Variants in ATXN1 observed in about 807,000 individuals in gnomAD.
ATXN1 encodes ataxin 1.
A neutral mutation model predicts 56.4 loss-of-function variants in ATXN1; 8 were observed. The observed-to-expected ratio is 0.14, with a 90% CI of 0.08 to 0.26. The LOEUF (loss-of-function observed/expected upper bound fraction) is 0.26, where lower values mean the gene tolerates loss of function less well. ATXN1 is among the 10% of genes least tolerant of loss of function. The probability of loss-of-function intolerance (pLI) is 1.00; values close to 1 mark genes in which losing one functional copy is unlikely to be tolerated. For missense variants in ATXN1, 987 were observed against 1,106.5 expected (o/e 0.89, Z 1.53); for synonymous variants, 514 against 494.6 (o/e 1.04, Z -0.52).
intron 6 of ATXN1, among the ~76,000 whole-genome samples, chr6:16,438,541 T>C (rs1481311753): frequency 1.3e-5 from 2 of 152,302 alleles, no homozygotes; most frequent in East Asian, 3.9e-4. Flanking sequence ...AAATTTTAAT[T>C]AGTTTTAATT....
chr6:16,595,380 C>T (rs943829532), intron 3 of ATXN1, among the ~76,000 whole-genome samples: 2 of 152,220 alleles, frequency 1.3e-5, no homozygotes, highest in Non-Finnish European at 2.9e-5. Context: ...CTTCATCATC[C>T]TCCTACATAT....
chr6:16,742,139 G>A (rs1760361650), intron 2 of ATXN1, among the ~76,000 whole-genome samples: 1 of 151,794 alleles, frequency 6.6e-6, no homozygotes, highest in African/African-American at 2.4e-5. Context: ...TAATAAACTT[G>A]TCTTATGGGT....
intron 6 of ATXN1, among the ~76,000 whole-genome samples, chr6:16,389,012 T>C (rs1192026683): frequency 6.6e-6 from 1 of 152,208 alleles, no homozygotes; most frequent in East Asian, 1.9e-4. Context: ...ATCATCCTTG[T>C]CTTTTCCTGA....
chr6:16,715,624 G>A (rs1412952509), intron 2 of ATXN1, among the ~76,000 whole-genome samples: 1 of 152,162 alleles, frequency 6.6e-6, no homozygotes, highest in Non-Finnish European at 1.5e-5. Flanking sequence ...CATATATTTG[G>A]AAGAAAGCTC....
At chr6:16,713,961 C>T (rs1759580191) in intron 2 of ATXN1, among the ~76,000 whole-genome samples, 1 of 152,238 alleles carries the variant, frequency 6.6e-6, no homozygotes, top group Middle Eastern at 3.4e-3. Context: ...AGTTTGAGAC[C>T]AGCCTGGCCA....
rs545039220 is a variant in ATXN1 at position 16,581,341 on chromosome 6, C to T, written c.-361+4439G>A. Among the ~76,000 whole-genome samples the T allele has an allele frequency of 3.3e-4, 50 of 151,530 alleles. No individual in the cohort carries two copies. The South Asian group carries it at 8.6e-3, about 26-fold the overall frequency. The stretch of plus-strand genomic sequence containing the variant: ...AAGAAGAAAACATCTGGGTAGAGTA[C>T]GTGGTGGATGTTTGAGGGCCCGAAG... On this transcript the variant is annotated intron_variant, in intron 4 of 7. Transcript: ENST00000436367.
chr6:16,402,242 G>GTTTTTTT (rs58048762), intron 6 of ATXN1, among the ~76,000 whole-genome samples: 2 of 62,118 alleles, frequency 3.2e-5, no homozygotes, highest in African/African-American at 1.3e-4. Flanking sequence ...ACCACTGACA[G>GTTTTTTT]TTTTTTTTTT....
chr6:16,587,474 G>A (rs549869380), intron 3 of ATXN1, among the ~76,000 whole-genome samples: 60 of 152,284 alleles, frequency 3.9e-4, no homozygotes, highest in African/African-American at 1.3e-3. Flanking sequence ...AAATGGATAT[G>A]AGCATATCAA....
chr6:16,542,605 A>T (rs920800295), intron 4 of ATXN1, among the ~76,000 whole-genome samples: 2 of 152,218 alleles, frequency 1.3e-5, no homozygotes, highest in African/African-American at 2.4e-5. Flanking sequence ...AGGTGTTTGC[A>T]GCAGCCAAAT....
At chr6:16,655,304 G>A (rs1347894298) in intron 3 of ATXN1, among the ~76,000 whole-genome samples, 1 of 152,100 alleles carries the variant, frequency 6.6e-6, no homozygotes, top group Non-Finnish European at 1.5e-5. Context: ...GATGATTGCT[G>A]GAGCCCAGGA....
In ATXN1 at chr6:16,614,553, T is replaced by C. The variant is rs551366677; in HGVS notation, c.-488-28646A>G. On this transcript the variant is annotated intron_variant, in intron 3 of 7. Coordinates refer to ENST00000436367, the MANE Select transcript of ATXN1 (RefSeq NM_001128164.2). ...GGTTGAAAATTAGAATAGAATACTA[T>C]GTATTTGCCACAGTAAAAGATATCT... is the stretch of plus-strand genomic sequence containing the variant. Among the ~76,000 whole-genome samples the C allele has an allele frequency of 2.5e-3, 382 of 151,790 alleles. 6 individuals are homozygous for C. The highest frequency in any genetic ancestry group is 9.0e-3 in the African/African-American group (373 of 41,230).
At chr6:16,387,679 A>G (rs1286144528) in intron 6 of ATXN1, among the ~76,000 whole-genome samples, 2 of 152,196 alleles carry the variant, frequency 1.3e-5, no homozygotes, top group Non-Finnish European at 2.9e-5. Context: ...TTCGTTATGA[A>G]ACACTGCAAC....
chr6:16,321,945 G>T (rs894560653), intron 7 of ATXN1, among the ~76,000 whole-genome samples: 3 of 152,202 alleles, frequency 2.0e-5, no homozygotes, highest in Non-Finnish European at 4.4e-5. Flanking sequence ...TACGTGGCCG[G>T]GCGCCGTGGC....
intron 4 of ATXN1, among the ~76,000 whole-genome samples, chr6:16,567,536 T>C (rs1010421759): frequency 6.6e-6 from 1 of 152,220 alleles, no homozygotes; most frequent in African/African-American, 2.4e-5. Context: ...CACATCACCC[T>C]GACAATCTAA....
chr6:16,724,299 A>G (rs982093286), intron 2 of ATXN1, among the ~76,000 whole-genome samples: 5 of 151,118 alleles, frequency 3.3e-5, no homozygotes, highest in African/African-American at 1.2e-4. Context: ...CTCCAAAAGA[A>G]TTTTTTAGGT....
chr6:16,472,919 G>T (rs911310594), intron 6 of ATXN1, among the ~76,000 whole-genome samples: 2 of 152,168 alleles, frequency 1.3e-5, no homozygotes, highest in African/African-American at 2.4e-5. Context: ...TGGAGAAAAG[G>T]TCAGAATCTG....
At chr6:16,599,806 A>G (rs899982432) in intron 3 of ATXN1, among the ~76,000 whole-genome samples, 4 of 152,142 alleles carry the variant, frequency 2.6e-5, no homozygotes, top group African/African-American at 9.7e-5. Flanking sequence ...AGGTGACATT[A>G]TCTAGAAACA....
At position 16,393,181 on chromosome 6, in the gene ATXN1, G is replaced by C. The variant is rs138261797; in HGVS notation, c.-160-64711C>G. Among the ~76,000 whole-genome samples, 239 of 152,224 alleles carry C rather than the reference G, an allele frequency of 1.6e-3. 6 individuals are homozygous for C. The East Asian group carries it at 0.043, about 28-fold the overall frequency. The stretch of plus-strand genomic sequence containing the variant: ...TCACATGTTTCACCCACACAAAATA[G>C]TGTATGACTTACGAATGATCACAGA... On this transcript the variant is annotated intron_variant, in intron 6 of 7. Transcript: ENST00000436367.
chr6:16,338,337 C>T (rs970710225), intron 6 of ATXN1, among the ~76,000 whole-genome samples: 4 of 151,822 alleles, frequency 2.6e-5, no homozygotes, highest in African/African-American at 4.8e-5. Flanking sequence ...ACTAAAAATA[C>T]AAAAAATGAG....
Sources: allele counts gnomAD v4.1 joint callset (sites outside exome capture counted in the v4.1 genomes callset), GRCh38; gene constraint gnomAD v4.1.1; transcripts MANE v1.5; gene names NCBI Gene and HGNC (gene_info 2026-07-23, HGNC 2026-07-21).